SOX5: variants seen among roughly 807,000 people sequenced by gnomAD.
SOX5 encodes the protein transcription factor SOX-5.
In SOX5, 9 loss-of-function variants were observed where a neutral mutation model predicts 92.0. That is an observed-to-expected ratio of 0.10 (90% CI 0.06 to 0.17). The LOEUF is 0.17. Ranked by LOEUF, SOX5 falls within the 10% of genes least tolerant of loss-of-function variation. SOX5 has a pLI of 1.00. For missense variants in SOX5, 642 were observed against 944.5 expected, an observed-to-expected ratio of 0.68 and a Z score of 4.20; for synonymous variants, 344 against 336.3, an observed-to-expected ratio of 1.02 and a Z score of -0.25.
At chr12:24,414,418 T>C (rs1474207611) in intron 1 of SOX5, among the ~76,000 whole-genome samples, 1 of 152,200 alleles carries the variant, frequency 6.6e-6, no homozygotes, top group Non-Finnish European at 1.5e-5. Flanking sequence ...TTGTTTATAT[T>C]CCAGGGAAAA....
chr12:23,901,136 A>G (rs2097227194), intron 1 of SOX5, among the ~76,000 whole-genome samples: 1 of 152,220 alleles, frequency 6.6e-6, no homozygotes, highest in Admixed American at 6.5e-5. Context: ...CAAAGAAATC[A>G]TAAACACCCT....
intron 9 of SOX5, among the ~76,000 whole-genome samples, chr12:23,598,480 G>A (rs1472934158): frequency 7.3e-6 from 1 of 137,212 alleles, no homozygotes; most frequent in African/African-American, 2.7e-5. Flanking sequence ...CTCACTGCAA[G>A]CTCCGCCTCC....
chr12:24,025,226 TGA>T (rs1477799630), intron 4 of SOX5, among the ~76,000 whole-genome samples: 1 of 151,902 alleles, frequency 6.6e-6, no homozygotes, highest in African/African-American at 2.4e-5. Flanking sequence ...AAGGCTAACA[TGA>T]GAGTGAGAAA....
intron 1 of SOX5, among the ~76,000 whole-genome samples, chr12:24,374,590 G>C (rs368328275): frequency 2.6e-5 from 4 of 152,174 alleles, no homozygotes; most frequent in African/African-American, 9.6e-5. Flanking sequence ...GGGAGAAAAG[G>C]GGGAACCTCA....
intron 6 of SOX5, among the ~76,000 whole-genome samples, chr12:23,686,997 A>G (rs2087719047): frequency 6.6e-6 from 1 of 152,064 alleles, no homozygotes; most frequent in African/African-American, 2.4e-5. Context: ...TACATGGATT[A>G]TTGTAAACTC....
intron 3 of SOX5, among the ~76,000 whole-genome samples, chr12:24,233,369 T>C (rs1284097511): frequency 6.6e-6 from 1 of 150,868 alleles, no homozygotes; most frequent in Non-Finnish European, 1.5e-5. Flanking sequence ...GAAACAAATA[T>C]AAAGAAAAAT....
intron 2 of SOX5, among the ~76,000 whole-genome samples, chr12:24,362,365 T>G (rs142974002): frequency 6.6e-6 from 1 of 152,212 alleles, no homozygotes; most frequent in Non-Finnish European, 1.5e-5. Flanking sequence ...CCTGCTAAGA[T>G]TTAGTCCTTT....
At chr12:24,174,826 A>AAAAAG in intron 4 of SOX5, among the ~76,000 whole-genome samples, 2 of 152,304 alleles carry the variant, frequency 1.3e-5, no homozygotes, top group South Asian at 4.1e-4. Context: ...ATCTCAAAAA[A>AAAAAG]AAAAGAAAAG....
chr12:24,064,614 G>GT lies in SOX5; in HGVS notation c.-2+148728dup, dbSNP rs967734529. On this transcript the variant is annotated intron_variant, in intron 4 of 4. Coordinates refer to the SOX5 transcript ENST00000446891. Reference sequence around the variant, plus strand: ...TTGAATCCATAATCAATTTATGTTTGTTTTTTCAAAATGTTATTTTGGTTA... The same window carrying GT: ...TTGAATCCATAATCAATTTATGTTTGTTTTTTTCAAAATGTTATTTTGGTTA... 4.8e-4 allele frequency among the ~76,000 whole-genome samples: 73 copies of GT among 152,158 alleles called. 1 individual carries two copies. The highest frequency in any genetic ancestry group is 1.7e-3 in the African/African-American group (69 of 41,534).
intron 4 of SOX5, among the ~76,000 whole-genome samples, chr12:24,019,415 G>A (rs551293698): frequency 9.8e-5 from 15 of 152,298 alleles, no homozygotes; most frequent in African/African-American, 3.4e-4. Context: ...GATTGGAAAT[G>A]AATTACAGAT....
At chr12:24,540,247 T>C (rs1016146201) in intron 1 of SOX5, among the ~76,000 whole-genome samples, 2 of 152,168 alleles carry the variant, frequency 1.3e-5, no homozygotes, top group Non-Finnish European at 2.9e-5. Context: ...GTAAGGTATT[T>C]GGCCTTGCAT....
chr12:24,555,128 A>G (rs1953642965), intron 1 of SOX5, among the ~76,000 whole-genome samples: 1 of 152,212 alleles, frequency 6.6e-6, no homozygotes, highest in Non-Finnish European at 1.5e-5. Context: ...ACTTGAGTTC[A>G]GTGCTTTGTG....
chr12:24,244,812 C>G (rs1938291521), intron 3 of SOX5, among the ~76,000 whole-genome samples: 1 of 152,220 alleles, frequency 6.6e-6, no homozygotes, highest in Non-Finnish European at 1.5e-5. Context: ...CCTGCCTCAG[C>G]CTCCCAAGTG....
intron 11 of SOX5, among the ~76,000 whole-genome samples, chr12:23,554,995 G>A (rs1226007194): frequency 6.6e-6 from 1 of 152,074 alleles, no homozygotes; most frequent in Non-Finnish European, 1.5e-5. Flanking sequence ...CTCTTTGATA[G>A]GCTAGGCTTT....
intron 1 of SOX5, among the ~76,000 whole-genome samples, chr12:24,523,714 G>C (rs974451448): frequency 3.9e-5 from 6 of 152,078 alleles, no homozygotes; most frequent in African/African-American, 1.4e-4. Flanking sequence ...TTATACACTT[G>C]TTTCATATCA....
At chr12:23,695,036 C>T (rs1458094043) in intron 6 of SOX5, among the ~76,000 whole-genome samples, 1 of 151,406 alleles carries the variant, frequency 6.6e-6, no homozygotes, top group East Asian at 1.9e-4. Context: ...GGGAGAATCA[C>T]CAGAGCCTGG....
chr12:24,247,778 G>T (rs2140129412), intron 3 of SOX5, among the ~76,000 whole-genome samples: 1 of 150,720 alleles, frequency 6.6e-6, no homozygotes, highest in Admixed American at 6.7e-5. Flanking sequence ...AGCCTCTGGA[G>T]TAGCTGGGAC....
chr12:24,345,747 T>A (rs985891012), intron 2 of SOX5, among the ~76,000 whole-genome samples: 2 of 152,216 alleles, frequency 1.3e-5, no homozygotes, highest in African/African-American at 4.8e-5. Flanking sequence ...GTTATTTCTT[T>A]TTAGTAGTTA....
At chr12:24,400,711 T>C (rs1029599623) in intron 1 of SOX5, among the ~76,000 whole-genome samples, 1 of 152,164 alleles carries the variant, frequency 6.6e-6, no homozygotes, top group African/African-American at 2.4e-5. Context: ...CCAAATTCCA[T>C]TAGCAATGCA....
Sources: gnomAD v4.1 joint callset for allele counts (sites outside exome capture counted in the v4.1 genomes callset) on GRCh38, gnomAD v4.1.1 for gene constraint, MANE v1.5 for transcripts, NCBI Gene and HGNC (gene_info 2026-07-23, HGNC 2026-07-21) for gene names.